Variants in MYO3A observed in about 807,000 individuals in gnomAD.
MYO3A encodes the protein myosin-IIIa.
MYO3A carries 180 observed loss-of-function variants against 192.7 expected under a neutral mutation model. The observed-to-expected ratio is 0.93, with a 90% CI of 0.83 to 1.06. MYO3A has a LOEUF of 1.06. MYO3A is among the 50% of genes least tolerant of loss of function. The pLI, the probability that MYO3A is intolerant of heterozygous loss-of-function variation, is 0.00. For missense variants in MYO3A, 1,896 were observed against 1,905.0 expected, an observed-to-expected ratio of 1.00 and a Z score of 0.09; for synonymous variants, 628 against 645.3, an observed-to-expected ratio of 0.97 and a Z score of 0.41.
chr10:25,946,548 A>T (rs1223181707), intron 2 of MYO3A, among the ~76,000 whole-genome samples: 1 of 140,036 alleles, frequency 7.1e-6, no homozygotes. Flanking sequence ...TTGTCTTTTC[A>T]CAGCTTGATT....
At chr10:26,023,058 A>C (rs182254164) in intron 8 of MYO3A, 1 of 152,298 alleles carries the variant, frequency 6.6e-6, no homozygotes, top group Non-Finnish European at 1.5e-5. Flanking sequence ...TTTCAGGAGG[A>C]CAAGAAACAA....
chr10:26,064,079 C>G (rs1189096090), intron 10 of MYO3A, among the ~76,000 whole-genome samples: 4 of 151,760 alleles, frequency 2.6e-5, no homozygotes, highest in Non-Finnish European at 5.9e-5. Context: ...AGACAGAGGA[C>G]AAGGTAGAAT....
chr10:26,111,035 T>C (rs1029477769), intron 17 of MYO3A, among the ~76,000 whole-genome samples: 1 of 152,032 alleles, frequency 6.6e-6, no homozygotes, highest in East Asian at 1.9e-4. Flanking sequence ...CAGCTAACTT[T>C]TTAAAACATT....
intron 6 of MYO3A, among the ~76,000 whole-genome samples, chr10:26,011,495 C>T (rs1459373747): frequency 1.3e-5 from 2 of 152,004 alleles, no homozygotes; most frequent in East Asian, 3.8e-4. Flanking sequence ...ATTTAAAAAT[C>T]ATTTCAACAA....
intron 14 of MYO3A, among the ~76,000 whole-genome samples, chr10:26,075,642 G>GAT (rs1381340730): frequency 7.3e-6 from 1 of 136,398 alleles, no homozygotes; most frequent in Non-Finnish European, 1.6e-5. Context: ...TCTCATATAT[G>GAT]ATATATATGT....
At chr10:26,087,795 C>A (rs906101691) in intron 14 of MYO3A, among the ~76,000 whole-genome samples, 2 of 152,188 alleles carry the variant, frequency 1.3e-5, no homozygotes, top group African/African-American at 4.8e-5. Context: ...TATCTTTCCT[C>A]TCTTAGTTTC....
chr10:25,963,437 G>T (rs959998243), intron 4 of MYO3A, among the ~76,000 whole-genome samples: 25 of 152,298 alleles, frequency 1.6e-4, no homozygotes, highest in African/African-American at 6.0e-4. Flanking sequence ...GAATGAATGT[G>T]AGCTTTCTGT....
At chr10:26,064,290 G>A (rs1834680199) in intron 10 of MYO3A, among the ~76,000 whole-genome samples, 1 of 152,182 alleles carries the variant, frequency 6.6e-6, no homozygotes, top group Non-Finnish European at 1.5e-5. Flanking sequence ...ATTCCACTCA[G>A]AGGGAACAGC....
At chr10:26,045,839 C>T (rs188713960) in intron 10 of MYO3A, among the ~76,000 whole-genome samples, 31 of 152,226 alleles carry the variant, frequency 2.0e-4, no homozygotes, top group African/African-American at 7.0e-4. Context: ...TATCCAATCT[C>T]GTTTCTACAA....
intron 15 of MYO3A, among the ~76,000 whole-genome samples, chr10:26,091,138 C>T (rs1836676242): frequency 6.6e-6 from 1 of 152,044 alleles, no homozygotes; most frequent in African/African-American, 2.4e-5. Context: ...GGTCCCAGAG[C>T]AAGACAAAGA....
At chr10:26,068,737 A>T in intron 11 of MYO3A, 31 bp from the exon 12 acceptor site, 1 of 1,381,418 alleles carries the variant, frequency 7.2e-7, no homozygotes. Flanking sequence ...AATAATTTTT[A>T]AGAAGGAGAA....
intron 14 of MYO3A, among the ~76,000 whole-genome samples, chr10:26,071,570 T>G (rs1335403376): frequency 1.3e-5 from 2 of 152,152 alleles, no homozygotes; most frequent in South Asian, 2.1e-4. Flanking sequence ...CTGAGGACAC[T>G]GTTACAAAAA....
At chr10:26,186,262 CCTT>C (rs1283828017) in intron 31 of MYO3A, among the ~76,000 whole-genome samples, 4 of 142,924 alleles carry the variant, frequency 2.8e-5, no homozygotes, top group Non-Finnish European at 4.6e-5. Context: ...TCAGTGATAT[CCTT>C]CTTTTTTTTT....
chr10:26,118,389 C>A (rs1160287830), intron 17 of MYO3A, among the ~76,000 whole-genome samples: 1 of 151,410 alleles, frequency 6.6e-6, no homozygotes. Context: ...TGTATTGTTA[C>A]ACTTCTGAAA....
chr10:25,968,654 C>T (rs1389221297), intron 4 of MYO3A, among the ~76,000 whole-genome samples: 1 of 152,156 alleles, frequency 6.6e-6, no homozygotes, highest in African/African-American at 2.4e-5. Flanking sequence ...TACCCTTATC[C>T]AAGGTTTTGC....
intron 15 of MYO3A, among the ~76,000 whole-genome samples, chr10:26,095,236 A>G (rs748542120): frequency 1.3e-5 from 2 of 152,206 alleles, no homozygotes; most frequent in Non-Finnish European, 2.9e-5. Flanking sequence ...AAAGAGAAGT[A>G]ACAATAGAAA....
At chr10:25,949,927 A>C (rs1837096917) in intron 2 of MYO3A, among the ~76,000 whole-genome samples, 1 of 152,230 alleles carries the variant, frequency 6.6e-6, no homozygotes, top group Non-Finnish European at 1.5e-5. Flanking sequence ...CTCTGCTGTC[A>C]GAATTAACAA....
chr10:26,207,400 C>G (rs1258834694), intron 34 of MYO3A, among the ~76,000 whole-genome samples: 1 of 152,112 alleles, frequency 6.6e-6, no homozygotes, highest in Non-Finnish European at 1.5e-5. Context: ...AGTTTCATGT[C>G]TAATGTTTAA....
intron 20 of MYO3A, among the ~76,000 whole-genome samples, chr10:26,136,294 A>G (rs1839842442): frequency 6.6e-6 from 1 of 152,242 alleles, no homozygotes. Context: ...TGAGGGTCAT[A>G]TATACCAGCT....
Sources: allele counts gnomAD v4.1 joint callset (sites outside exome capture counted in the v4.1 genomes callset), GRCh38; gene constraint gnomAD v4.1.1; transcripts MANE v1.5; gene names NCBI Gene and HGNC (gene_info 2026-07-23, HGNC 2026-07-21).